Variants in COCH observed in about 807,000 individuals in gnomAD.
COCH encodes the protein coagulation factor C homolog, cochlin (Limulus polyphemus).
Under a neutral mutation model 54.8 loss-of-function variants are expected in COCH, and 40 were observed. The ratio of observed to expected loss-of-function variants is 0.73; its 90% confidence interval spans 0.57 to 0.95. The LOEUF is 0.95. Ranked by LOEUF, COCH falls within the 40% of genes least tolerant of loss-of-function variation. The pLI, the probability that COCH is intolerant of heterozygous loss-of-function variation, is 0.00. For synonymous variants in COCH, 256 were observed against 237.9 expected, an observed-to-expected ratio of 1.08 and a Z score of -0.70; for missense variants, 605 against 675.0, an observed-to-expected ratio of 0.90 and a Z score of 1.15.
At chr14:30,882,119 G>GTTTTTTTTTTTTT (rs1566410309) in intron 8 of COCH, among the ~76,000 whole-genome samples, 17 of 84,872 alleles carry the variant, frequency 2.0e-4, no homozygotes, top group African/African-American at 9.6e-4. Context: ...ACTATAAAAT[G>GTTTTTTTTTTTTT]GTTTTTTTTT....
intron 8 of COCH, among the ~76,000 whole-genome samples, chr14:30,882,133 T>TGTTTG (rs1566410421): frequency 8.0e-6 from 1 of 124,996 alleles, no homozygotes; most frequent in African/African-American, 3.3e-5. Flanking sequence ...TTTTTTTTTT[T>TGTTTG]TTTTTTTTTT....
At chr14:30,893,181 A>T (rs1397994138), downstream of COCH, among the ~76,000 whole-genome samples, 1 of 124,450 alleles carries the variant, frequency 8.0e-6, no homozygotes, top group Non-Finnish European at 1.6e-5. Flanking sequence ...TTTGAGACGG[A>T]GTCTCTGTCA....
intron 3 of COCH, chr14:30,875,636 T>C (rs1566405404): frequency 3.8e-6 from 1 of 261,288 alleles, no homozygotes; most frequent in Non-Finnish European, 7.1e-6. Flanking sequence ...CTCTACACGC[T>C]AGAGAGTTTA....
At chr14:30,884,418 A>C in intron 8 of COCH, 135 bp from the exon 9 acceptor site, 1 of 654,986 alleles carries the variant, frequency 1.5e-6, no homozygotes, top group Non-Finnish European at 2.7e-6. Context: ...GCAATGCCTC[A>C]GTTGACTATG....
In COCH at chr14:30,889,995, T is replaced by C. The variant is rs1360524434; in HGVS notation, c.*204T>C. 8 of 1,294,572 alleles carry C rather than the reference T, an allele frequency of 6.2e-6. No homozygotes were observed. Among genetic ancestry groups the C allele is most frequent in the Non-Finnish European group, 7.9e-6 (8 of 1,018,894 alleles). 80.2% of individuals were successfully genotyped at this position (1,294,572 alleles called of 1,614,324 possible). A position where few individuals can be genotyped will look rare whatever the true frequency, so the allele number is the denominator to read the frequency against. ...CAGTGTACTTTGTTAAAAACACTGC[T>C]GAGGCTTCATAATCATGGCTCTTAG... On this transcript the variant is annotated 3_prime_UTR_variant, in exon 12 of 12. Coordinates refer to ENST00000396618, the MANE Select transcript of COCH (RefSeq NM_004086.3).
chr14:30,895,213 G>A, downstream of COCH: 1 of 583,510 alleles, frequency 1.7e-6, no homozygotes, highest in Non-Finnish European at 2.8e-6. Context: ...TTTTTTCTTT[G>A]TCCCACAAAA....
At chr14:30,878,716 T>C (rs1477031033) in intron 4 of COCH, 95 bp from the exon 5 acceptor site, 1 of 1,558,932 alleles carries the variant, frequency 6.4e-7, no homozygotes, top group Non-Finnish European at 8.8e-7. Context: ...ATTTTCTTGA[T>C]TAATCAAAGC....
chr14:30,886,185 TTC>T lies in COCH; in HGVS notation c.1351_1352del (p.Ser451LeufsTer4). The T allele has an allele frequency of 6.2e-7, 1 of 1,610,512 alleles. No homozygotes were observed. Among genetic ancestry groups the T allele is most frequent in the Non-Finnish European group, 8.5e-7 (1 of 1,177,368 alleles). ...SGGTATGDAI[S>X]FTVRNVFGPI... The stretch of plus-strand genomic sequence containing the variant: ...GTGGAACAGCTACTGGTGATGCCAT[TTC>T]CTTCACTGTTAGAAATGTGTTTGGC... On this transcript the variant is annotated frameshift_variant, in exon 11 of 12. Transcript: ENST00000396618. LOFTEE classifies it high-confidence loss of function.
rs368400670 is a variant in COCH at position 30,875,072 on chromosome 14, G to A, written c.51G>A (p.Leu17=). 6.3e-7 allele frequency: 1 copy of A among 1,599,028 alleles called. No homozygotes were observed. Among genetic ancestry groups the A allele is most frequent in the Non-Finnish European group, 8.5e-7 (1 of 1,173,652 alleles). Residue 17 remains leucine, a synonymous_variant, in exon 3 of 12, where the codon CTG becomes CTA. Coordinates refer to ENST00000396618, the MANE Select transcript of COCH (RefSeq NM_004086.3). ...TCTTCGCAGGTGTGTGTCTGCTGCTGCTGCCGGGGCCCGCGGGCAGCGAGG... is the reference window on the plus strand; with the variant it reads ...TCTTCGCAGGTGTGTGTCTGCTGCTACTGCCGGGGCCCGCGGGCAGCGAGG... ...PALGLGVCLL[L]LPGPAGSEGA... is the part of the protein sequence containing the mutation.
In COCH at chr14:30,884,806, T is replaced by A. The variant is rs1253344225; in HGVS notation, c.733+150T>A. On this transcript the variant is annotated intron_variant, in intron 9 of 11. Transcript: ENST00000396618. ...TAGGTCTGCATTTGATCATCTGAGA[T>A]AAATTTTCAATTTATAATGGAAGTA... 3.7e-6 allele frequency: 5 copies of A among 1,365,596 alleles called. No homozygotes were observed. In the African/African-American group the frequency reaches 7.3e-5, roughly 20 times the overall value. 84.6% of individuals were successfully genotyped at this position (1,365,596 alleles called of 1,614,324 possible). A position where few individuals can be genotyped will look rare whatever the true frequency, so the allele number is the denominator to read the frequency against.
intron 4 of COCH, among the ~76,000 whole-genome samples, chr14:30,878,065 C>T (rs1427280284): frequency 1.3e-5 from 2 of 152,192 alleles, no homozygotes; most frequent in Non-Finnish European, 2.9e-5. Flanking sequence ...TAGAATTTTA[C>T]TCCAGTTACA....
At chr14:30,887,579 A>G (rs1895834330) in intron 11 of COCH, among the ~76,000 whole-genome samples, 1 of 152,200 alleles carries the variant, frequency 6.6e-6, no homozygotes, top group Non-Finnish European at 1.5e-5. Flanking sequence ...AAATAGGCCA[A>G]CAAAAAGCTA....
chr14:30,891,141 A>G (rs1895971946), downstream of COCH, among the ~76,000 whole-genome samples: 1 of 152,202 alleles, frequency 6.6e-6, no homozygotes, highest in African/African-American at 2.4e-5. Context: ...GATATTTTTG[A>G]GTACTTGCTT....
chr14:30,895,077 A>AAAAAAAAAAAAAAAAG (rs1896101873), downstream of COCH: 3 of 184,228 alleles, frequency 1.6e-5, no homozygotes, highest in African/African-American at 2.9e-5. Context: ...AAAAAAAAAA[A>AAAAAAAAAAAAAAAAG]AAGAAGAAGA....
intron 11 of COCH, among the ~76,000 whole-genome samples, chr14:30,888,622 A>G (rs1199359037): frequency 6.6e-6 from 1 of 152,006 alleles, no homozygotes; most frequent in African/African-American, 2.4e-5. Context: ...CCCCATCTCT[A>G]CAAAGAAATT....
At chr14:30,887,248 G>A (rs1177587129) in intron 11 of COCH, among the ~76,000 whole-genome samples, 2 of 152,094 alleles carry the variant, frequency 1.3e-5, no homozygotes, top group Admixed American at 1.3e-4. Context: ...ACAAAAATTA[G>A]CTGGGTGTGG....
chr14:30,884,307 A>G (rs976226912), intron 8 of COCH, among the ~76,000 whole-genome samples: 2 of 152,214 alleles, frequency 1.3e-5, no homozygotes, highest in Non-Finnish European at 2.9e-5. Flanking sequence ...GAGGTTTTAC[A>G]TGTGTTATGC....
Position 30,878,842 on chromosome 14 carries a change from C to A in COCH, c.271C>A (p.Arg91=), listed in dbSNP as rs540895576. ...GVISNSGGPV[R]VYSLPGRENY... ...AATCAGCAACTCAGGGGGACCTGTACGAGTCTATAGCCTACCTGGTCGAGA... is the reference window on the plus strand; with the variant it reads ...AATCAGCAACTCAGGGGGACCTGTAAGAGTCTATAGCCTACCTGGTCGAGA... The change falls in exon 5 of 12, where the codon CGA becomes AGA. Residue 91 remains arginine, a synonymous_variant. Transcript: ENST00000396618. The A allele has an allele frequency of 6.2e-7, 1 of 1,614,150 alleles. No individual in the cohort carries two copies. Among genetic ancestry groups the A allele is most frequent in the Non-Finnish European group, 8.5e-7 (1 of 1,180,022 alleles).
chr14:30,885,140 T>C, intron 9 of COCH: 1 of 1,459,726 alleles, frequency 6.9e-7, no homozygotes. Flanking sequence ...GGTAAACAAA[T>C]GTGAGGCTTC....
Sources: gnomAD v4.1 joint callset for allele counts (sites outside exome capture counted in the v4.1 genomes callset) on GRCh38, gnomAD v4.1.1 for gene constraint, MANE v1.5 for transcripts, NCBI Gene and HGNC (gene_info 2026-07-23, HGNC 2026-07-21) for gene names.